Variants in XPR1 observed in about 807,000 individuals in gnomAD.
XPR1 encodes xenotropic and polytropic retrovirus receptor 1.
In XPR1, 28 loss-of-function variants were observed where a neutral mutation model predicts 87.5. The ratio of observed to expected loss-of-function variants is 0.32; its 90% CI spans 0.24 to 0.44. The LOEUF (loss-of-function observed/expected upper bound fraction) is 0.44. XPR1 is among the 20% of genes least tolerant of loss of function. The pLI, the probability that XPR1 is intolerant of heterozygous loss-of-function variation, is 1.00. For synonymous variants in XPR1, 300 were observed against 306.1 expected (o/e 0.98, Z 0.21); for missense variants, 559 against 862.3 (o/e 0.65, Z 4.41).
intron 1 of XPR1, among the ~76,000 whole-genome samples, chr1:180,632,481 G>C (rs1173699707): frequency 6.6e-6 from 1 of 152,146 alleles, no homozygotes; most frequent in East Asian, 1.9e-4. Flanking sequence ...CTGCCGCCGG[G>C]GTAACGGATA....
rs182698939 is a variant in XPR1, at chr1:180,782,218, A to G, written c.122-5535A>G. Among the ~76,000 whole-genome samples, 9 of 151,482 alleles carry G rather than the reference A, an allele frequency of 5.9e-5. No individual in the cohort carries two copies. The East Asian group carries it at 1.5e-3, about 26-fold the overall frequency. ...ACAATTGTTGATATATCTTTCTAAGATTTGTACTTATTTATGCTTGCTCTC... is the reference window on the plus strand; with the variant it reads ...ACAATTGTTGATATATCTTTCTAAGGTTTGTACTTATTTATGCTTGCTCTC... On this transcript the variant is annotated intron_variant, in intron 2 of 14. Transcript: ENST00000367590.
intron 13 of XPR1, among the ~76,000 whole-genome samples, chr1:180,874,757 C>G (rs1348726448): frequency 6.6e-6 from 1 of 151,832 alleles, no homozygotes; most frequent in Non-Finnish European, 1.5e-5. Context: ...TAAATGAAAA[C>G]AGGAGCCCCA....
chr1:180,826,141 AT>A (rs1650828298), intron 9 of XPR1, among the ~76,000 whole-genome samples: 1 of 152,214 alleles, frequency 6.6e-6, no homozygotes, highest in Non-Finnish European at 1.5e-5. Flanking sequence ...TGATCTCAAA[AT>A]CATTTAGCCT....
intron 11 of XPR1, among the ~76,000 whole-genome samples, chr1:180,846,694 G>C (rs959736725): frequency 6.6e-6 from 1 of 152,050 alleles, no homozygotes; most frequent in African/African-American, 2.4e-5. Context: ...TGACCTGCCT[G>C]CCTCGGGCTC....
chr1:180,840,040 G>A (rs924269057), intron 11 of XPR1, among the ~76,000 whole-genome samples: 1 of 151,714 alleles, frequency 6.6e-6, no homozygotes, highest in African/African-American at 2.4e-5. Context: ...TGGCTAACAA[G>A]GTGAAACCCC....
chr1:180,780,208 C>A (rs1436557994), intron 2 of XPR1, among the ~76,000 whole-genome samples: 1 of 152,166 alleles, frequency 6.6e-6, no homozygotes, highest in Non-Finnish European at 1.5e-5. Context: ...ATATGGTAAT[C>A]TATTTTTAAC....
At chr1:180,667,729 T>G (rs1287118240) in intron 1 of XPR1, among the ~76,000 whole-genome samples, 1 of 152,122 alleles carries the variant, frequency 6.6e-6, no homozygotes, top group Non-Finnish European at 1.5e-5. Context: ...GTCCAGGGCT[T>G]TTCTTTGTTG....
chr1:180,688,547 C>T (rs1214592838), intron 2 of XPR1, among the ~76,000 whole-genome samples: 1 of 152,002 alleles, frequency 6.6e-6, no homozygotes, highest in African/African-American at 2.4e-5. Context: ...GAGTATACTA[C>T]CTCTTGATAT....
At chr1:180,778,143 G>C (rs1207040090) in intron 2 of XPR1, among the ~76,000 whole-genome samples, 1 of 151,896 alleles carries the variant, frequency 6.6e-6, no homozygotes, top group East Asian at 1.9e-4. Context: ...ACCACACCCA[G>C]CTAATTTTTA....
chr1:180,865,053 G>A (rs1652341714), intron 12 of XPR1, among the ~76,000 whole-genome samples: 1 of 152,162 alleles, frequency 6.6e-6, no homozygotes, highest in Non-Finnish European at 1.5e-5. Flanking sequence ...GTGTATGGAT[G>A]TGTAATATTC....
At chr1:180,653,410 A>G (rs1180371847) in intron 1 of XPR1, among the ~76,000 whole-genome samples, 1 of 152,200 alleles carries the variant, frequency 6.6e-6, no homozygotes, top group African/African-American at 2.4e-5. Flanking sequence ...AGTAAGAGGT[A>G]AATTTTAGAA....
At position 180,837,305 on chromosome 1, in the gene XPR1, A is replaced by G. The variant is rs1318742917; in HGVS notation, c.1501+589A>G. On this transcript the variant is annotated intron_variant, in intron 11 of 14. Coordinates refer to ENST00000367590, the MANE Select transcript of XPR1 (RefSeq NM_004736.4). ...ACCTTTTTCCAAGAACTGTCAGTCAACAATCTCACTTCCTTTTAGTAAAAT... is the reference window on the plus strand; with the variant it reads ...ACCTTTTTCCAAGAACTGTCAGTCAGCAATCTCACTTCCTTTTAGTAAAAT... 2.6e-5 allele frequency among the ~76,000 whole-genome samples: 4 copies of G among 152,204 alleles called. No homozygotes were observed. In the East Asian group the frequency reaches 5.8e-4, roughly 22 times the overall value.
intron 1 of XPR1, among the ~76,000 whole-genome samples, chr1:180,656,004 A>G (rs1001644443): frequency 5.3e-5 from 8 of 152,068 alleles, no homozygotes; most frequent in Admixed American, 1.3e-4. Context: ...GTACAATGAA[A>G]TTATTGACTA....
At chr1:180,855,269 G>C (rs189411456) in intron 11 of XPR1, among the ~76,000 whole-genome samples, 200 of 152,312 alleles carry the variant, frequency 1.3e-3, no homozygotes, top group African/African-American at 4.4e-3. Flanking sequence ...TTTGTGAAAA[G>C]AATGTCATAG....
intron 12 of XPR1, among the ~76,000 whole-genome samples, chr1:180,873,256 G>A (rs780720117): frequency 1.3e-5 from 2 of 152,296 alleles, no homozygotes; most frequent in African/African-American, 2.4e-5. Flanking sequence ...CTTGAGCACC[G>A]TCTTCCCCAT....
At position 180,848,720 on chromosome 1, in the gene XPR1, G is replaced by T. The variant is rs143547448; in HGVS notation, c.1501+12004G>T. ...CTAGATCACGTGGTAGTTCCTATAT[G>T]CAGCTTTCTGAGGAACCTCCATACT... On this transcript the variant is annotated intron_variant, in intron 11 of 14. Transcript: ENST00000367590. Among the ~76,000 whole-genome samples the T allele has an allele frequency of 9.5e-4, 144 of 152,160 alleles. 1 individual carries two copies. The highest frequency in any genetic ancestry group is 3.4e-3 in the Middle Eastern group (1 of 294).
At chr1:180,854,457 T>G (rs1651969261) in intron 11 of XPR1, among the ~76,000 whole-genome samples, 1 of 152,186 alleles carries the variant, frequency 6.6e-6, no homozygotes, top group African/African-American at 2.4e-5. Flanking sequence ...CAGTTAACAT[T>G]AAAGTGAAGT....
chr1:180,806,079 G>C lies in XPR1; in HGVS notation c.465G>C (p.Gly155=). The C allele has an allele frequency of 6.2e-7, 1 of 1,613,018 alleles. No individual in the cohort carries two copies. The highest frequency in any genetic ancestry group is 8.5e-7 in the Non-Finnish European group (1 of 1,179,448). Reference sequence around the variant, plus strand: ...TTCTGTAGAATCTGAATTTTACAGGGTTTCGAAAAATCCTGAAAAAGCATG... The same window carrying C: ...TTCTGTAGAATCTGAATTTTACAGGCTTTCGAAAAATCCTGAAAAAGCATG... The part of the protein sequence containing the change: ...LQNYQNLNFT[G]FRKILKKHDK... Residue 155 remains glycine (G), a synonymous_variant, in exon 5 of 15, where the codon GGG becomes GGC. Coordinates refer to ENST00000367590, the MANE Select transcript of XPR1 (RefSeq NM_004736.4).
At position 180,822,681 on chromosome 1, in the gene XPR1, G is replaced by A. The variant is rs7520377; in HGVS notation, c.764-2072G>A. 5.6e-3 allele frequency among the ~76,000 whole-genome samples: 851 copies of A among 152,124 alleles called. 9 individuals are homozygous for A. Among genetic ancestry groups the A allele is most frequent in the African/African-American group, 0.019 (800 of 41,498 alleles). ...ACTGAATACTCATAATGAGCCAAACGTTATTCTAGGCATTTGATATATGTT... is the reference window on the plus strand; with the variant it reads ...ACTGAATACTCATAATGAGCCAAACATTATTCTAGGCATTTGATATATGTT... On this transcript the variant is annotated intron_variant, in intron 7 of 14. Transcript: ENST00000367590.
Sources: allele counts gnomAD v4.1 joint callset (sites outside exome capture counted in the v4.1 genomes callset), GRCh38; gene constraint gnomAD v4.1.1; transcripts MANE v1.5; gene names NCBI Gene and HGNC (gene_info 2026-07-23, HGNC 2026-07-21).